Variants in SLCO3A1 observed in about 807,000 individuals in gnomAD.
SLCO3A1 encodes the protein solute carrier organic anion transporter family member 3A1.
In SLCO3A1, 27 loss-of-function variants were observed where a neutral mutation model predicts 63.1. The ratio of observed to expected loss-of-function variants is 0.43; its 90% confidence interval spans 0.32 to 0.59. SLCO3A1 has a LOEUF of 0.59. Among genes scored for constraint, SLCO3A1 ranks in the 20% least tolerant of loss-of-function variants. The pLI, the probability that SLCO3A1 is intolerant of heterozygous loss-of-function variation, is 0.09. For missense variants in SLCO3A1, 773 were observed against 945.8 expected, an observed-to-expected ratio of 0.82 and a Z score of 2.40; for synonymous variants, 473 against 409.9, an observed-to-expected ratio of 1.15 and a Z score of -1.86.
At position 92,120,632 on chromosome 15, in the gene SLCO3A1, G is replaced by A; in HGVS notation, c.1174+3G>A. On this transcript the variant is annotated splice_donor_region_variant and intron_variant, in intron 5 of 9. Coordinates refer to ENST00000318445, the MANE Select transcript of SLCO3A1 (RefSeq NM_013272.4). ...CTCTTCTGCCAACCAGCTGCTTGGTGAGTGTGTCCTCAGGCCTCCTGAGAG... is the reference window on the plus strand; with the variant it reads ...CTCTTCTGCCAACCAGCTGCTTGGTAAGTGTGTCCTCAGGCCTCCTGAGAG... 6.2e-7 allele frequency: 1 copy of A among 1,613,610 alleles called. No individual in the cohort carries two copies. Among genetic ancestry groups the A allele is most frequent in the Non-Finnish European group, 8.5e-7 (1 of 1,179,784 alleles).
rs1247615692 is a variant in SLCO3A1 at position 91,856,267 on chromosome 15, A to G, written c.180+2179A>G. Reference sequence around the variant, plus strand: ...CAGGTGACTTGCAGAAAGCAGCTGGAGGCCCAGGAGAGGACAGGCCTAGGA... The same window carrying G: ...CAGGTGACTTGCAGAAAGCAGCTGGGGGCCCAGGAGAGGACAGGCCTAGGA... On this transcript the variant is annotated intron_variant, in intron 1 of 9. Transcript: ENST00000318445. This position sits in a 1 kb window ranked among gnomAD's most constrained non-coding sequence, Gnocchi z 4.9. 1.3e-5 allele frequency among the ~76,000 whole-genome samples: 2 copies of G among 152,144 alleles called. No individual in the cohort carries two copies. Among genetic ancestry groups the G allele is most frequent in the Non-Finnish European group, 2.9e-5 (2 of 68,028 alleles).
chr15:91,898,612 A>G (rs1898069179), intron 1 of SLCO3A1, among the ~76,000 whole-genome samples: 1 of 151,882 alleles, frequency 6.6e-6, no homozygotes, highest in Admixed American at 6.6e-5. Context: ...TACTAACATC[A>G]TCCTCAGTGG....
Position 91,865,972 on chromosome 15 carries a change from TATTC to T in SLCO3A1, c.180+11885_180+11888del, listed in dbSNP as rs1240599908. On this transcript the variant is annotated intron_variant, in intron 1 of 9. Transcript: ENST00000318445. The surrounding 1 kb of genome is among the most constrained non-coding windows in gnomAD (Gnocchi z 4.6). Reference sequence around the variant, plus strand: ...TGGGTGAGGTAGGAGGATTGTTGGATATTCGTAAGAGAGTCGTTCATACCCAAAG... The same window carrying T: ...TGGGTGAGGTAGGAGGATTGTTGGATGTAAGAGAGTCGTTCATACCCAAAG... 7.2e-5 allele frequency among the ~76,000 whole-genome samples: 11 copies of T among 152,208 alleles called. No individual in the cohort carries two copies. The highest frequency in any genetic ancestry group is 2.7e-4 in the African/African-American group (11 of 41,448).
At position 92,164,625 on chromosome 15, in the gene SLCO3A1, G is replaced by A. The variant is rs891427835; in HGVS notation, c.*1490G>A. On this transcript the variant is annotated 3_prime_UTR_variant, in exon 10 of 10. Transcript: ENST00000318445. ...AGAAGTCTGTAGCATCTCTGATAAC[G>A]AATAGACCCACAAGCTCCTGGAAGC... 14 of 985,142 alleles carry A rather than the reference G, an allele frequency of 1.4e-5. No individual in the cohort carries two copies. Among genetic ancestry groups the A allele is most frequent in the African/African-American group, 5.2e-5 (3 of 57,184 alleles). 61.0% of individuals were successfully genotyped at this position (985,142 alleles called of 1,614,324 possible). A position where few individuals can be genotyped will look rare whatever the true frequency, so the allele number is the denominator to read the frequency against.
At chr15:92,049,088 C>T (rs994427990) in intron 2 of SLCO3A1, among the ~76,000 whole-genome samples, 2 of 152,164 alleles carry the variant, frequency 1.3e-5, no homozygotes, top group African/African-American at 4.8e-5. Flanking sequence ...GACGTCAAAA[C>T]CCATGATCTT....
chr15:91,866,418 A>T (rs1460889292), intron 1 of SLCO3A1, among the ~76,000 whole-genome samples: 1 of 152,050 alleles, frequency 6.6e-6, no homozygotes, highest in Non-Finnish European at 1.5e-5. Flanking sequence ...AAGAGACTTT[A>T]TCACTGTGCG....
At chr15:92,152,115 G>A (rs769333712) in intron 9 of SLCO3A1, among the ~76,000 whole-genome samples, 2 of 152,164 alleles carry the variant, frequency 1.3e-5, no homozygotes, top group Non-Finnish European at 2.9e-5. Context: ...AAGAGTATCA[G>A]CTATTATCTT....
intron 7 of SLCO3A1, among the ~76,000 whole-genome samples, chr15:92,132,804 G>T (rs2048012314): frequency 6.9e-6 from 1 of 144,834 alleles, no homozygotes; most frequent in South Asian, 2.2e-4. Context: ...GAGGAGGACA[G>T]CTCCATTATG....
intron 2 of SLCO3A1, among the ~76,000 whole-genome samples, chr15:91,926,596 T>TGTGTGTGTGTGTGTGTGTGTGG: frequency 5.7e-5 from 6 of 105,318 alleles, no homozygotes; most frequent in African/African-American, 2.2e-4. Context: ...TGTGTGTGTG[T>TGTGTGTGTGTGTGTGTGTGTGG]GCGCGCGCGC....
At chr15:91,905,598 C>G (rs1272023819) in intron 1 of SLCO3A1, among the ~76,000 whole-genome samples, 1 of 149,338 alleles carries the variant, frequency 6.7e-6, no homozygotes, top group Non-Finnish European at 1.5e-5. Context: ...GGATGGCAGC[C>G]TGTATATATG....
chr15:91,939,402 A>G (rs1232344882), intron 2 of SLCO3A1, among the ~76,000 whole-genome samples: 1 of 152,098 alleles, frequency 6.6e-6, no homozygotes, highest in Non-Finnish European at 1.5e-5. Flanking sequence ...GCAACTTAAC[A>G]TGAGATTTGG....
intron 2 of SLCO3A1, among the ~76,000 whole-genome samples, chr15:92,036,335 A>G (rs2046725488): frequency 6.7e-6 from 1 of 150,186 alleles, no homozygotes; most frequent in South Asian, 2.1e-4. Flanking sequence ...TGAATTTGGT[A>G]TCTGAAAAAC....
intron 2 of SLCO3A1, among the ~76,000 whole-genome samples, chr15:92,042,695 A>T (rs1346728719): frequency 6.6e-6 from 1 of 152,166 alleles, no homozygotes; most frequent in Non-Finnish European, 1.5e-5. Flanking sequence ...TGTTCACCAG[A>T]TAGCTGAGGG....
intron 2 of SLCO3A1, among the ~76,000 whole-genome samples, chr15:91,989,089 A>G (rs1393185224): frequency 6.6e-6 from 1 of 152,200 alleles, no homozygotes; most frequent in African/African-American, 2.4e-5. Flanking sequence ...CTTTTCCTGC[A>G]GAAACTACAG....
chr15:91,984,090 G>C (rs953093746), intron 2 of SLCO3A1, among the ~76,000 whole-genome samples: 1 of 152,176 alleles, frequency 6.6e-6, no homozygotes, highest in East Asian at 1.9e-4. Context: ...GGGCCACCAG[G>C]TCAGATTTGC....
chr15:92,113,101 A>G (rs1035242350), intron 4 of SLCO3A1, among the ~76,000 whole-genome samples: 4 of 152,218 alleles, frequency 2.6e-5, no homozygotes, highest in Non-Finnish European at 1.5e-5. Flanking sequence ...TGACCTGGAA[A>G]GACACCATGT....
At chr15:91,864,812 G>A (rs1897127566) in intron 1 of SLCO3A1, among the ~76,000 whole-genome samples, 1 of 152,176 alleles carries the variant, frequency 6.6e-6, no homozygotes, top group Non-Finnish European at 1.5e-5. Context: ...CACCCGGTGA[G>A]CCCAACAGTG....
chr15:92,059,329 G>T (rs1347598947), intron 2 of SLCO3A1, among the ~76,000 whole-genome samples: 5 of 152,178 alleles, frequency 3.3e-5, no homozygotes, highest in African/African-American at 4.8e-5. Context: ...CTTTCTCTCT[G>T]CCCTCAGGCA....
chr15:92,167,918 A>G (rs979443755), downstream of SLCO3A1, among the ~76,000 whole-genome samples: 2 of 151,970 alleles, frequency 1.3e-5, no homozygotes, highest in Non-Finnish European at 2.9e-5. Context: ...CTCAGAGACT[A>G]TCCACATTAG....
Sources: allele counts gnomAD v4.1 joint callset (sites outside exome capture counted in the v4.1 genomes callset), GRCh38; gene constraint gnomAD v4.1.1; non-coding constraint Gnocchi (gnomAD v3.1); transcripts MANE v1.5; gene names NCBI Gene and HGNC (gene_info 2026-07-23, HGNC 2026-07-21).